Variants in DNAAF5 observed in about 807,000 individuals in gnomAD.
The protein encoded by DNAAF5 is dynein axonemal assembly factor 5, also known as HEAT repeat containing 2.
DNAAF5 carries 64 observed loss-of-function variants against 75.8 expected under a neutral mutation model. The observed-to-expected ratio is 0.84, with a 90% CI of 0.69 to 1.04. The LOEUF (loss-of-function observed/expected upper bound fraction) is 1.04. DNAAF5 is among the 50% of genes least tolerant of loss of function. The pLI is 0.00. For synonymous variants in DNAAF5, 657 were observed against 557.2 expected, an observed-to-expected ratio of 1.18 and a Z score of -2.52; for missense variants, 1,269 against 1,178.5, an observed-to-expected ratio of 1.08 and a Z score of -1.12.
rs148419527 is a variant in DNAAF5 at position 770,502 on chromosome 7, C to T, written c.1815C>T (p.Val605=). Reference sequence around the variant, plus strand: ...CCCTGGGAGAAGCCCTGCCACACGTCGTGCCCACGCTGAGGGCCTGTCTGC... The same window carrying T: ...CCCTGGGAGAAGCCCTGCCACACGTTGTGCCCACGCTGAGGGCCTGTCTGC... ...GPALGEALPH[V]VPTLRACLQP... The change falls in exon 9 of 13, where the codon GTC becomes GTT. Residue 605 remains valine (V), a synonymous_variant. Coordinates refer to ENST00000297440, the MANE Select transcript of DNAAF5 (RefSeq NM_017802.4). The T allele has an allele frequency of 4.3e-6, 7 of 1,613,740 alleles. No individual in the cohort carries two copies. Among genetic ancestry groups the T allele is most frequent in the East Asian group, 2.2e-5 (1 of 44,866 alleles).
intron 9 of DNAAF5, chr7:770,963 C>CACAAGCTCTAGGCAGGGA: frequency 5.3e-6 from 1 of 189,152 alleles, no homozygotes; most frequent in Admixed American, 5.7e-5. Flanking sequence ...ACTGGGTAAA[C>CACAAGCTCTAGGCAGGGA]ACAAGCTCTC....
chr7:729,574 T>C lies in DNAAF5; in HGVS notation c.596-89T>C, dbSNP rs1781494884. ...GAGAGGAAGGGAGGTGAGGAACTCATAGGCAGGCAGCCGTCCTCTGGAAGC... is the reference window on the plus strand; with the variant it reads ...GAGAGGAAGGGAGGTGAGGAACTCACAGGCAGGCAGCCGTCCTCTGGAAGC... On this transcript the variant is annotated intron_variant, in intron 1 of 12. Transcript: ENST00000297440. 7 of 1,286,676 alleles carry C rather than the reference T, an allele frequency of 5.4e-6. No homozygotes were observed. In the South Asian group the frequency reaches 9.6e-5, roughly 18 times the overall value. 79.7% of individuals were successfully genotyped at this position (1,286,676 alleles called of 1,614,324 possible). A position where few individuals can be genotyped will look rare whatever the true frequency, so the allele number is the denominator to read the frequency against.
At chr7:752,895 A>T (rs1782353575) in intron 4 of DNAAF5, among the ~76,000 whole-genome samples, 1 of 152,248 alleles carries the variant, frequency 6.6e-6, no homozygotes, top group Non-Finnish European at 1.5e-5. Flanking sequence ...TTAAATGGGC[A>T]GAAAACAATT....
At chr7:757,086 G>A in intron 6 of DNAAF5, 92 bp downstream of exon 6, 1 of 1,275,662 alleles carries the variant, frequency 7.8e-7, no homozygotes, top group Non-Finnish European at 1.1e-6. Flanking sequence ...GGGTTGCCCT[G>A]TGCCGCCAGG....
chr7:764,540 C>T (rs1030986521), intron 8 of DNAAF5, among the ~76,000 whole-genome samples: 4 of 152,200 alleles, frequency 2.6e-5, no homozygotes, highest in South Asian at 4.1e-4. Context: ...GAACTCGCCG[C>T]GGTAGCTCTT....
At chr7:759,363 C>T (rs565460666) in intron 6 of DNAAF5, among the ~76,000 whole-genome samples, 4 of 152,224 alleles carry the variant, frequency 2.6e-5, no homozygotes, top group South Asian at 2.1e-4. Flanking sequence ...CCCTAGAGCT[C>T]GACAGACGGG....
chr7:769,974 CAT>C (rs1239483982), intron 8 of DNAAF5, among the ~76,000 whole-genome samples: 9 of 151,826 alleles, frequency 5.9e-5, no homozygotes, highest in African/African-American at 9.7e-5. Flanking sequence ...TTTTTTGAGA[CAT>C]AGTCTCACTT....
chr7:739,921 C>T lies in DNAAF5; in HGVS notation c.781-898C>T, dbSNP rs116036665. Among the ~76,000 whole-genome samples the T allele has an allele frequency of 8.8e-3, 1,333 of 152,242 alleles. 21 individuals are homozygous for T. The highest frequency in any genetic ancestry group is 0.03 in the African/African-American group (1,250 of 41,542). Reference sequence around the variant, plus strand: ...CCCTGCACCTACGACTGGCTGTGAGCGCTATTGCTAATGGTGCATGGCTGG... The same window carrying T: ...CCCTGCACCTACGACTGGCTGTGAGTGCTATTGCTAATGGTGCATGGCTGG... On this transcript the variant is annotated intron_variant, in intron 2 of 12. Transcript: ENST00000297440.
At position 785,128 on chromosome 7, in the gene DNAAF5, G is replaced by A. The variant is rs561329207; in HGVS notation, c.2432-389G>A. 9.2e-5 allele frequency among the ~76,000 whole-genome samples: 14 copies of A among 152,074 alleles called. No homozygotes were observed. In the South Asian group the frequency reaches 2.5e-3, roughly 27 times the overall value. On this transcript the variant is annotated intron_variant, in intron 12 of 12. Coordinates refer to ENST00000297440, the MANE Select transcript of DNAAF5 (RefSeq NM_017802.4). ...TGTCCACACTGGGACTGCCGTGCACGTGGCCAGCAGCATCAGGTCACTTGT... is the reference window on the plus strand; with the variant it reads ...TGTCCACACTGGGACTGCCGTGCACATGGCCAGCAGCATCAGGTCACTTGT...
chr7:755,291 A>G (rs1782447686), intron 5 of DNAAF5, among the ~76,000 whole-genome samples: 1 of 151,290 alleles, frequency 6.6e-6, no homozygotes, highest in Non-Finnish European at 1.5e-5. Flanking sequence ...CCTCTTTCTC[A>G]CTCCCTGTCC....
Position 726,974 on chromosome 7 carries a change from T to C in DNAAF5, c.254T>C (p.Leu85Pro). The C allele has an allele frequency of 7.7e-7, 1 of 1,303,578 alleles. No individual in the cohort carries two copies. 80.8% of individuals were successfully genotyped at this position (1,303,578 alleles called of 1,614,324 possible). A position where few individuals can be genotyped will look rare whatever the true frequency, so the allele number is the denominator to read the frequency against. ...RLLLPRLLRC[L>P]SDPAEGCRAL... ...CTGCTGCCGCGCTTGCTGCGCTGCC[T>C]GAGCGACCCCGCCGAGGGCTGCCGC... Residue 85 changes from leucine to proline, a missense_variant, in exon 1 of 13, where the codon CTG (leucine) becomes CCG (proline). Transcript: ENST00000297440.
chr7:733,508 C>CT (rs911709123), intron 2 of DNAAF5, among the ~76,000 whole-genome samples: 26 of 151,858 alleles, frequency 1.7e-4, no homozygotes, highest in East Asian at 3.9e-4. Context: ...AGTTTTCTTT[C>CT]TTTTTTTTGA....
chr7:726,709 G>A lies in DNAAF5; in HGVS notation c.-12G>A. On this transcript the variant is annotated 5_prime_UTR_variant, in exon 1 of 13. Transcript: ENST00000297440. ...AGCGCTGTTCCCCTTAGTGACCGGC[G>A]ACGCGGGCAAGATGGCGGCGCTGGG... 8.1e-7 allele frequency: 1 copy of A among 1,238,388 alleles called. No individual in the cohort carries two copies. 76.7% of individuals were successfully genotyped at this position (1,238,388 alleles called of 1,614,324 possible).
In DNAAF5 at chr7:754,063, CGT is replaced by C. The variant is rs1457483911; in HGVS notation, c.1025-521_1025-520del. Among the ~76,000 whole-genome samples, 2 of 132,342 alleles carry C rather than the reference CGT, an allele frequency of 1.5e-5. No homozygotes were observed. Among genetic ancestry groups the C allele is most frequent in the Non-Finnish European group, 3.2e-5 (2 of 61,952 alleles). The allele number at this position is 132,342 out of a possible 152,430, so 86.8% of individuals were successfully genotyped here. ...CATCATATGGCGATGGCTTCGCAGG[CGT>C]GTGTCTCTCTGATCATAGGGGGACG... is the stretch of plus-strand genomic sequence containing the variant. On this transcript the variant is annotated intron_variant, in intron 4 of 12. Coordinates refer to ENST00000297440, the MANE Select transcript of DNAAF5 (RefSeq NM_017802.4). The surrounding 1 kb of genome is among the most constrained non-coding windows in gnomAD (Gnocchi z 4.8).
intron 1 of DNAAF5, among the ~76,000 whole-genome samples, chr7:729,281 C>T (rs538720123): frequency 4.6e-5 from 7 of 152,198 alleles, no homozygotes; most frequent in African/African-American, 1.4e-4. Context: ...GTGGCCTCGC[C>T]TCTGTCTTCT....
intron 8 of DNAAF5, 81 bp from the exon 9 acceptor site, chr7:770,390 C>G (rs998398728): frequency 1.4e-6 from 2 of 1,392,258 alleles, no homozygotes; most frequent in East Asian, 2.4e-5. Context: ...GGTGGGAGCG[C>G]CTGAGCCTGG....
chr7:741,154 A>AC (rs1310119215), intron 3 of DNAAF5, among the ~76,000 whole-genome samples, 193 bp from the exon 4 acceptor site: 1 of 152,196 alleles, frequency 6.6e-6, no homozygotes, highest in Non-Finnish European at 1.5e-5. Context: ...CAGAGATCAG[A>AC]CGGCCCCCTT....
chr7:759,088 T>C (rs1212316165), intron 6 of DNAAF5, among the ~76,000 whole-genome samples: 9 of 151,610 alleles, frequency 5.9e-5, no homozygotes, highest in African/African-American at 1.5e-4. Flanking sequence ...CACGCCCCTG[T>C]GCTCTTCCCG....
chr7:764,014 A>C (rs1253015197), intron 8 of DNAAF5, 40 bp downstream of exon 8: 15 of 1,593,468 alleles, frequency 9.4e-6, no homozygotes, highest in Non-Finnish European at 5.1e-6. Context: ...GCCTGGCCCC[A>C]CTCAGGCTAC....
Sources: allele counts gnomAD v4.1 joint callset (sites outside exome capture counted in the v4.1 genomes callset), GRCh38; gene constraint gnomAD v4.1.1; non-coding constraint Gnocchi (gnomAD v3.1); transcripts MANE v1.5; gene names NCBI Gene and HGNC (gene_info 2026-07-23, HGNC 2026-07-21).